Variants in OSBPL9 observed in about 807,000 individuals in gnomAD.
OSBPL9 encodes oxysterol-binding protein-related protein 9.
A neutral mutation model predicts 106.6 loss-of-function variants in OSBPL9; 40 were observed. The observed-to-expected ratio is 0.38, with a 90% CI of 0.29 to 0.49. The LOEUF is 0.49. Ranked by LOEUF, OSBPL9 falls within the 20% of genes least tolerant of loss-of-function variation. The probability of loss-of-function intolerance (pLI) is 0.97; values close to 1 mark genes in which losing one functional copy is unlikely to be tolerated. For missense variants in OSBPL9, 609 were observed against 887.2 expected, an observed-to-expected ratio of 0.69 and a Z score of 3.98; for synonymous variants, 269 against 295.4, an observed-to-expected ratio of 0.91 and a Z score of 0.92.
intron 2 of OSBPL9, among the ~76,000 whole-genome samples, chr1:51,611,538 T>G (rs1244778589): frequency 6.6e-6 from 1 of 152,164 alleles, no homozygotes; most frequent in African/African-American, 2.4e-5. Context: ...ATGAAGTAAT[T>G]TGTACCTACA....
At chr1:51,536,257 G>T in the OSBPL9 span, among the ~76,000 whole-genome samples, 1 of 151,960 alleles carries the variant, frequency 6.6e-6, no homozygotes, top group Non-Finnish European at 1.5e-5. Flanking sequence ...GCCTGATCCA[G>T]GTAATGCATT....
At chr1:51,771,812 C>G (rs1423085435) in intron 12 of OSBPL9, among the ~76,000 whole-genome samples, 2 of 152,142 alleles carry the variant, frequency 1.3e-5, no homozygotes, top group African/African-American at 4.8e-5. Context: ...GTAACAAAAT[C>G]ATAAAAGGAA....
chr1:51,569,930 C>T, the OSBPL9 span, among the ~76,000 whole-genome samples: 1 of 152,190 alleles, frequency 6.6e-6, no homozygotes, highest in Non-Finnish European at 1.5e-5. Context: ...CTCCACTTTA[C>T]AATCAGGAGG....
chr1:51,588,246 G>T (rs1335451904), intron 1 of OSBPL9, among the ~76,000 whole-genome samples: 1 of 152,204 alleles, frequency 6.6e-6, no homozygotes, highest in African/African-American at 2.4e-5. Context: ...GCCAGGCATG[G>T]CGGCGCATGC....
chr1:51,748,311 A>C, intron 6 of OSBPL9, 58 bp from the exon 7 acceptor site: 1 of 1,494,052 alleles, frequency 6.7e-7, no homozygotes, highest in Non-Finnish European at 8.9e-7. Context: ...CCAGTAAAAA[A>C]TAACCGTCCT....
At chr1:51,522,410 A>T in the OSBPL9 span, among the ~76,000 whole-genome samples, 1 of 152,180 alleles carries the variant, frequency 6.6e-6, no homozygotes, top group African/African-American at 2.4e-5. Context: ...AATTAATGAC[A>T]TGTAATGGGA....
intron 1 of OSBPL9, among the ~76,000 whole-genome samples, chr1:51,643,964 C>A (rs1222181616): frequency 6.6e-6 from 1 of 151,420 alleles, no homozygotes; most frequent in Non-Finnish European, 1.5e-5. Flanking sequence ...CCTGTAGTCC[C>A]AGCTACTCTG....
the OSBPL9 span, among the ~76,000 whole-genome samples, chr1:51,521,660 A>C: frequency 6.6e-6 from 1 of 152,226 alleles, no homozygotes; most frequent in Non-Finnish European, 1.5e-5. Context: ...ACAGAGCACG[A>C]ATTCAGCCTG....
Position 51,704,218 on chromosome 1 carries a change from C to T in OSBPL9, c.242-9785C>T, listed in dbSNP as rs375677570. On this transcript the variant is annotated intron_variant, in intron 3 of 23. Coordinates refer to ENST00000428468, the MANE Select transcript of OSBPL9 (RefSeq NM_024586.6). Reference sequence around the variant, plus strand: ...ATAGTTTCAGAAGGAATGGTACCAGCTCCTCCTTGTACCTCTGGTAGAATT... The same window carrying T: ...ATAGTTTCAGAAGGAATGGTACCAGTTCCTCCTTGTACCTCTGGTAGAATT... 2.2e-3 allele frequency among the ~76,000 whole-genome samples: 332 copies of T among 152,256 alleles called. 3 individuals carry two copies. Among genetic ancestry groups the T allele is most frequent in the African/African-American group, 7.7e-3 (319 of 41,550 alleles).
At chr1:51,519,149 G>A in the OSBPL9 span, 4 of 1,346,860 alleles carry the variant, frequency 3.0e-6, no homozygotes, top group African/African-American at 3.0e-5. Flanking sequence ...AGGGCGGTGG[G>A]GGAGGGGGCA....
intron 1 of OSBPL9, among the ~76,000 whole-genome samples, chr1:51,596,184 G>A (rs932919125): frequency 6.6e-6 from 1 of 151,004 alleles, no homozygotes; most frequent in African/African-American, 2.4e-5. Context: ...TCTTGAGCCT[G>A]GGAGGTAAAT....
At chr1:51,724,344 C>T (rs1292056317) in intron 4 of OSBPL9, among the ~76,000 whole-genome samples, 11 of 152,024 alleles carry the variant, frequency 7.2e-5, no homozygotes, top group Non-Finnish European at 1.0e-4. Flanking sequence ...AGTGCAGTGG[C>T]GCGATCTCAG....
At chr1:51,674,392 C>T (rs780055053) in intron 3 of OSBPL9, among the ~76,000 whole-genome samples, 3 of 152,100 alleles carry the variant, frequency 2.0e-5, no homozygotes. Flanking sequence ...CCTTAGCCTC[C>T]CAAATTACTG....
At chr1:51,636,222 A>G (rs1359058616) in intron 1 of OSBPL9, among the ~76,000 whole-genome samples, 4 of 133,376 alleles carry the variant, frequency 3.0e-5, no homozygotes, top group African/African-American at 1.2e-4. Context: ...GTTTAGTGGC[A>G]TGATCATAGT....
chr1:51,527,446 G>A, the OSBPL9 span, among the ~76,000 whole-genome samples: 9 of 152,224 alleles, frequency 5.9e-5, no homozygotes, highest in South Asian at 1.9e-3. Context: ...CCAGGATGGA[G>A]TGCAGTGGTG....
At chr1:51,764,608 G>T (rs1672192796) in intron 11 of OSBPL9, among the ~76,000 whole-genome samples, 2 of 147,444 alleles carry the variant, frequency 1.4e-5, no homozygotes, top group Non-Finnish European at 1.5e-5. Flanking sequence ...TTGAGACAAG[G>T]TCTCACTCTG....
intron 8 of OSBPL9, among the ~76,000 whole-genome samples, chr1:51,753,695 A>G (rs1669743495): frequency 6.6e-6 from 1 of 152,206 alleles, no homozygotes; most frequent in South Asian, 2.1e-4. Flanking sequence ...TAGAGGCGGC[A>G]TGCTGTAAGT....
chr1:51,699,278 G>A (rs181135503), intron 3 of OSBPL9, among the ~76,000 whole-genome samples: 64 of 151,798 alleles, frequency 4.2e-4, no homozygotes, highest in Admixed American at 1.2e-3. Flanking sequence ...ATTTGCCCTC[G>A]TTTGCTTAGT....
chr1:51,718,113 A>C (rs1045380781), intron 4 of OSBPL9, among the ~76,000 whole-genome samples: 46 of 152,338 alleles, frequency 3.0e-4, no homozygotes, highest in Non-Finnish European at 3.8e-4. Flanking sequence ...ACAGGCACAA[A>C]CTTCACATGT....
Sources: allele counts gnomAD v4.1 joint callset (sites outside exome capture counted in the v4.1 genomes callset), GRCh38; gene constraint gnomAD v4.1.1; transcripts MANE v1.5; gene names NCBI Gene and HGNC (gene_info 2026-07-23, HGNC 2026-07-21).